RIN3: variants seen among roughly 807,000 people sequenced by gnomAD.
RIN3 encodes the protein Ras and Rab interactor 3, also known as RAB5 interacting protein 3.
In RIN3, 54 loss-of-function variants were observed where a neutral mutation model predicts 76.3. The observed-to-expected ratio is 0.71, with a 90% CI of 0.57 to 0.89. The LOEUF is 0.89. Ranked by LOEUF, RIN3 falls within the 40% of genes least tolerant of loss-of-function variation. RIN3 has a pLI of 0.00. For missense variants in RIN3, 1,256 were observed against 1,322.1 expected, an observed-to-expected ratio of 0.95 and a Z score of 0.78; for synonymous variants, 576 against 564.0, an observed-to-expected ratio of 1.02 and a Z score of -0.30.
chr14:92,642,806 G>T (rs545935007), intron 5 of RIN3, among the ~76,000 whole-genome samples: 13 of 152,328 alleles, frequency 8.5e-5, no homozygotes, highest in Admixed American at 3.9e-4. Flanking sequence ...GAAGTAGGAG[G>T]AGTTCTGGTC....
intron 1 of RIN3, among the ~76,000 whole-genome samples, chr14:92,534,776 G>A (rs1046261657): frequency 1.3e-5 from 2 of 152,056 alleles, no homozygotes; most frequent in Non-Finnish European, 2.9e-5. Flanking sequence ...TTGTATGTGA[G>A]AGGCTCTGAC....
chr14:92,623,999 C>A lies in RIN3; in HGVS notation c.440+8520C>A, dbSNP rs1886268547. 6.6e-6 allele frequency among the ~76,000 whole-genome samples: 1 copy of A among 152,212 alleles called. No homozygotes were observed. Among genetic ancestry groups the A allele is most frequent in the Admixed American group, 6.5e-5 (1 of 15,282 alleles). Reference sequence around the variant, plus strand: ...GTGTTGGAAAAGAGCCACCATGCAGCCCATGCCCGGTTGGTCAGAAGACCA... The same window carrying A: ...GTGTTGGAAAAGAGCCACCATGCAGACCATGCCCGGTTGGTCAGAAGACCA... On this transcript the variant is annotated intron_variant, in intron 4 of 9. Coordinates refer to ENST00000216487, the MANE Select transcript of RIN3 (RefSeq NM_024832.5). This position sits in a 1 kb window ranked among gnomAD's most constrained non-coding sequence, Gnocchi z 4.9.
At chr14:92,532,066 C>G (rs1048934735) in intron 1 of RIN3, among the ~76,000 whole-genome samples, 5 of 151,902 alleles carry the variant, frequency 3.3e-5, no homozygotes, top group African/African-American at 1.2e-4. Flanking sequence ...GTAGCTGGGA[C>G]TACAGGCGCA....
intron 1 of RIN3, among the ~76,000 whole-genome samples, chr14:92,531,861 C>A (rs144626164): frequency 1.3e-5 from 2 of 151,894 alleles, no homozygotes; most frequent in Admixed American, 1.3e-4. Context: ...ACTCTCGCCC[C>A]CCTAGTTATT....
At chr14:92,562,166 T>C (rs1309857694) in intron 2 of RIN3, among the ~76,000 whole-genome samples, 1 of 152,240 alleles carries the variant, frequency 6.6e-6, no homozygotes, top group African/African-American at 2.4e-5. Flanking sequence ...CCACTAGGAC[T>C]TGTCTGATGG....
At chr14:92,541,571 A>T (rs1372509935) in intron 1 of RIN3, among the ~76,000 whole-genome samples, 2 of 152,258 alleles carry the variant, frequency 1.3e-5, no homozygotes. Context: ...TCATCTTTCA[A>T]CAAATGGTGC....
intron 3 of RIN3, among the ~76,000 whole-genome samples, chr14:92,602,781 A>G (rs1300483742): frequency 6.6e-6 from 1 of 152,180 alleles, no homozygotes; most frequent in African/African-American, 2.4e-5. Context: ...AGAGAGCTCT[A>G]GAATGTAACT....
rs142090218 is a variant in RIN3 at position 92,583,984 on chromosome 14, C to T, written c.367+6507C>T. On this transcript the variant is annotated intron_variant, in intron 3 of 9. Transcript: ENST00000216487. Reference sequence around the variant, plus strand: ...GAGGCAGAGCTCCAGTGGTGAAGCTCGCCCTCCCAATGCTTACCCCCTGCT... The same window carrying T: ...GAGGCAGAGCTCCAGTGGTGAAGCTTGCCCTCCCAATGCTTACCCCCTGCT... 8.9e-4 allele frequency among the ~76,000 whole-genome samples: 136 copies of T among 152,334 alleles called. 1 individual carries two copies. In the East Asian group the frequency reaches 0.02, roughly 23 times the overall value.
intron 3 of RIN3, chr14:92,586,397 C>T (rs1313886170): frequency 6.6e-6 from 1 of 152,212 alleles, no homozygotes; most frequent in Non-Finnish European, 1.5e-5. Flanking sequence ...GGTTATTACT[C>T]ATAGAGGTTT....
At chr14:92,614,692 G>A (rs572110219) in intron 3 of RIN3, among the ~76,000 whole-genome samples, 12 of 151,474 alleles carry the variant, frequency 7.9e-5, no homozygotes, top group Admixed American at 4.6e-4. Flanking sequence ...AACCCCTTTC[G>A]CTTGTCTGTC....
chr14:92,672,272 C>A (rs111476145), intron 7 of RIN3, among the ~76,000 whole-genome samples: 18 of 152,112 alleles, frequency 1.2e-4, no homozygotes, highest in African/African-American at 4.3e-4. Context: ...ATTAGCCAGG[C>A]GTGGTGGCAA....
chr14:92,610,472 G>T (rs1885691899), intron 3 of RIN3, among the ~76,000 whole-genome samples: 1 of 152,136 alleles, frequency 6.6e-6, no homozygotes, highest in Non-Finnish European at 1.5e-5. Context: ...ATGGTGTTGG[G>T]CTCAGGGCAG....
intron 2 of RIN3, among the ~76,000 whole-genome samples, chr14:92,558,017 A>G (rs1595413944): frequency 6.6e-6 from 1 of 152,354 alleles, no homozygotes; most frequent in East Asian, 1.9e-4. Context: ...TGGATGGGAC[A>G]TAGTCATGAC....
intron 8 of RIN3, among the ~76,000 whole-genome samples, chr14:92,677,644 C>T (rs765293866): frequency 1.3e-5 from 2 of 152,006 alleles, no homozygotes; most frequent in Non-Finnish European, 2.9e-5. Context: ...TTAAAAATGT[C>T]CTGTAATGGG....
intron 1 of RIN3, among the ~76,000 whole-genome samples, chr14:92,526,097 A>G (rs1481240799): frequency 2.0e-5 from 3 of 152,128 alleles, no homozygotes; most frequent in African/African-American, 7.2e-5. Flanking sequence ...CAGATAGCAG[A>G]GGCTCTTGGG....
chr14:92,688,107 C>T lies in RIN3; in HGVS notation c.2813C>T (p.Ala938Val), dbSNP rs2140182741. Residue 938 changes from alanine (A) to valine (V), a missense_variant, in exon 10 of 10, where the codon GCG (alanine) becomes GTG (valine). By Grantham distance (64) the Ala-to-Val change is moderately conservative. Around this residue, in one of 3 missense-constraint regions of RIN3, gnomAD observed 218 missense variants for 174.5 expected, o/e 1.25. Coordinates refer to ENST00000216487, the MANE Select transcript of RIN3 (RefSeq NM_024832.5). ...CGCTGCTTCCAGCTGGCGGACGACG[C>T]GCTGCCGCACTGCATCAAGGGCTAC... ...DGRCFQLADD[A>V]LPHCIKGYLL... 9.9e-6 allele frequency: 16 copies of T among 1,608,098 alleles called. No individual in the cohort carries two copies. Among genetic ancestry groups the T allele is most frequent in the Non-Finnish European group, 1.4e-5 (16 of 1,178,072 alleles).
chr14:92,588,387 C>A (rs1208058721), intron 3 of RIN3, among the ~76,000 whole-genome samples: 2 of 152,074 alleles, frequency 1.3e-5, no homozygotes, highest in Non-Finnish European at 2.9e-5. Context: ...GCCGCCGCCC[C>A]TGGCAATTTT....
chr14:92,637,623 T>C (rs1374920805), intron 4 of RIN3, among the ~76,000 whole-genome samples: 1 of 152,156 alleles, frequency 6.6e-6, no homozygotes, highest in East Asian at 1.9e-4. Flanking sequence ...AGTAAATCTG[T>C]TTCTTTTCTA....
intron 4 of RIN3, among the ~76,000 whole-genome samples, chr14:92,637,395 TG>T (rs1474807047): frequency 9.9e-5 from 15 of 152,144 alleles, no homozygotes; most frequent in Non-Finnish European, 1.9e-4. Flanking sequence ...GAGCTCAGGC[TG>T]TATGCGAGCG....
Sources: allele counts gnomAD v4.1 joint callset (sites outside exome capture counted in the v4.1 genomes callset), GRCh38; gene constraint gnomAD v4.1.1; regional missense constraint gnomAD v4.1.1; non-coding constraint Gnocchi (gnomAD v3.1); transcripts MANE v1.5; gene names NCBI Gene and HGNC (gene_info 2026-07-23, HGNC 2026-07-21).